ACOT7: variants seen among roughly 807,000 people sequenced by gnomAD.
ACOT7 encodes cytosolic acyl coenzyme A thioester hydrolase.
In ACOT7, 12 loss-of-function variants were observed where a neutral mutation model predicts 40.2. The ratio of observed to expected loss-of-function variants is 0.30; its 90% CI spans 0.19 to 0.48. The LOEUF is 0.48. ACOT7 is among the 20% of genes least tolerant of loss of function. The pLI, the probability that ACOT7 is intolerant of heterozygous loss-of-function variation, is 0.99. For missense variants in ACOT7, 395 were observed against 530.8 expected (o/e 0.74, Z 2.51); for synonymous variants, 228 against 219.5 (o/e 1.04, Z -0.34).
chr1:6,323,729 A>AT (rs1640712722), intron 5 of ACOT7, among the ~76,000 whole-genome samples: 2 of 94,600 alleles, frequency 2.1e-5, no homozygotes, highest in Admixed American at 1.0e-4. Context: ...AAAAAAAAAA[A>AT]AAAAAAAAAT....
Position 6,330,490 on chromosome 1 carries a change from C to T in ACOT7, c.510+2987G>A, listed in dbSNP as rs546364070. Among the ~76,000 whole-genome samples, 24 of 152,312 alleles carry T rather than the reference C, an allele frequency of 1.6e-4. No homozygotes were observed. The highest frequency in any genetic ancestry group is 4.3e-4 in the African/African-American group (18 of 41,564). ...AGAACCGTGCAGCCTCTCCCATCTG[C>T]GGCTCCGGCTGCCTCGGAGCCATGG... On this transcript the variant is annotated intron_variant, in intron 4 of 8. Coordinates refer to ENST00000361521, the MANE Select transcript of ACOT7 (RefSeq NM_007274.4). The surrounding 1 kb of genome is among the most constrained non-coding windows in gnomAD (Gnocchi z 4.6).
rs778170802 is a variant in ACOT7, at chr1:6,330,984, T to C, written c.510+2493A>G. Among the ~76,000 whole-genome samples, 2 of 152,182 alleles carry C rather than the reference T, an allele frequency of 1.3e-5. No individual in the cohort carries two copies. Among genetic ancestry groups the C allele is most frequent in the Non-Finnish European group, 2.9e-5 (2 of 68,042 alleles). On this transcript the variant is annotated intron_variant, in intron 4 of 8. Transcript: ENST00000361521. The surrounding 1 kb of genome is among the most constrained non-coding windows in gnomAD (Gnocchi z 4.6). ...TGTGGCTCACTGAACGCCAAGGGCT[T>C]AGAGAAAAGAATGAACGTGGGGTGG...
At chr1:6,385,318 C>CTGAGGGTGGCCACT (rs6143103) in intron 1 of ACOT7, among the ~76,000 whole-genome samples, 12,389 of 151,796 alleles carry the variant, frequency 0.082, 973 homozygotes, top group African/African-American at 0.19. Flanking sequence ...CAGGTCTCCA[C>CTGAGGGTGGCCACT]TGAGGGTGGC....
intron 2 of ACOT7, among the ~76,000 whole-genome samples, chr1:6,348,145 C>T (rs956243041): frequency 1.3e-5 from 2 of 152,054 alleles, no homozygotes; most frequent in Admixed American, 1.3e-4. Flanking sequence ...GACTGAGCTG[C>T]ACCGGAGCCT....
intron 1 of ACOT7, among the ~76,000 whole-genome samples, chr1:6,389,496 C>A (rs1460025934): frequency 4.6e-5 from 7 of 152,158 alleles, no homozygotes; most frequent in Middle Eastern, 3.4e-3. Flanking sequence ...CTACATATTG[C>A]ACTCCCCAAA....
Position 6,385,488 on chromosome 1 carries a change from T to C in ACOT7, c.143+7769A>G, listed in dbSNP as rs767285472. The C allele has an allele frequency of 2.1e-5, 33 of 1,606,382 alleles. 1 individual carries two copies. Among genetic ancestry groups the C allele is most frequent in the Non-Finnish European group, 2.6e-5 (31 of 1,175,596 alleles). On this transcript the variant is annotated intron_variant, in intron 1 of 8. Coordinates refer to ENST00000361521, the MANE Select transcript of ACOT7 (RefSeq NM_007274.4). Reference sequence around the variant, plus strand: ...CATGGGCACAAAATATTCCCAGTCATCCTACCTTCCAGTAATGCAGGCTCC... The same window carrying C: ...CATGGGCACAAAATATTCCCAGTCACCCTACCTTCCAGTAATGCAGGCTCC...
chr1:6,389,213 AC>A (rs1642493216), intron 1 of ACOT7, among the ~76,000 whole-genome samples: 1 of 152,226 alleles, frequency 6.6e-6, no homozygotes, highest in Non-Finnish European at 1.5e-5. Context: ...ACATGGTACA[AC>A]ACAATTCCTG....
chr1:6,359,158 G>T lies in ACOT7; in HGVS notation c.144-9292C>A. 3.6e-6 allele frequency: 1 copy of T among 274,374 alleles called. No individual in the cohort carries two copies. Among genetic ancestry groups the T allele is most frequent in the Non-Finnish European group, 7.0e-6 (1 of 142,596 alleles). 17.0% of individuals were successfully genotyped at this position (274,374 alleles called of 1,614,324 possible). Reference sequence around the variant, plus strand: ...GAAGGCAGAGGGGCCGCTGCTGAGCGGCCTCAGGGAAGCGGCTATGAGGCT... The same window carrying T: ...GAAGGCAGAGGGGCCGCTGCTGAGCTGCCTCAGGGAAGCGGCTATGAGGCT... On this transcript the variant is annotated intron_variant, in intron 1 of 8. Transcript: ENST00000361521. The surrounding 1 kb of genome is among the most constrained non-coding windows in gnomAD (Gnocchi z 4.1).
In ACOT7 at chr1:6,282,563, C is replaced by T. The variant is rs1639386209; in HGVS notation, c.830-1277G>A. 6.6e-6 allele frequency among the ~76,000 whole-genome samples: 1 copy of T among 152,140 alleles called. No homozygotes were observed. The highest frequency in any genetic ancestry group is 2.4e-5 in the African/African-American group (1 of 41,450). Reference sequence around the variant, plus strand: ...GCCTCTGGAACCCCCAGTGTCCTAGCTGCACCGAGACCAGCCTCACAAGGC... The same window carrying T: ...GCCTCTGGAACCCCCAGTGTCCTAGTTGCACCGAGACCAGCCTCACAAGGC... On this transcript the variant is annotated intron_variant, in intron 7 of 8. Coordinates refer to ENST00000361521, the MANE Select transcript of ACOT7 (RefSeq NM_007274.4). This position sits in a 1 kb window ranked among gnomAD's most constrained non-coding sequence, Gnocchi z 4.5.
intron 8 of ACOT7, among the ~76,000 whole-genome samples, chr1:6,280,497 T>G (rs67984858): frequency 6.6e-6 from 1 of 152,114 alleles, no homozygotes; most frequent in Admixed American, 6.5e-5. Flanking sequence ...CAGCAGCCCC[T>G]GTGAACGAGT....
At chr1:6,340,617 C>T (rs1641250052) in intron 2 of ACOT7, among the ~76,000 whole-genome samples, 1 of 152,306 alleles carries the variant, frequency 6.6e-6, no homozygotes, top group African/African-American at 2.4e-5. Flanking sequence ...CTGCCTGGCT[C>T]GTTTCACAGT....
intron 8 of ACOT7, among the ~76,000 whole-genome samples, chr1:6,270,640 T>G (rs187123548): frequency 6.6e-6 from 1 of 152,238 alleles, no homozygotes; most frequent in Admixed American, 6.5e-5. Context: ...GGGCCAGGTT[T>G]GTTCACCTGG....
At chr1:6,283,401 A>G (rs1470868272) in intron 7 of ACOT7, among the ~76,000 whole-genome samples, 2 of 152,064 alleles carry the variant, frequency 1.3e-5, no homozygotes, top group African/African-American at 2.4e-5. Context: ...GCCTCAAGTG[A>G]TCCAACTGCC....
chr1:6,323,703 G>C (rs1640709806), intron 5 of ACOT7, among the ~76,000 whole-genome samples: 2 of 114,364 alleles, frequency 1.7e-5, no homozygotes, highest in African/African-American at 6.8e-5. Flanking sequence ...GGTCAACAGA[G>C]TGAGACTTGT....
At chr1:6,286,616 T>C (rs1639510891) in intron 7 of ACOT7, among the ~76,000 whole-genome samples, 1 of 152,204 alleles carries the variant, frequency 6.6e-6, no homozygotes, top group Non-Finnish European at 1.5e-5. Context: ...TTTCCTCATC[T>C]GCAAATGCTT....
intron 7 of ACOT7, among the ~76,000 whole-genome samples, chr1:6,290,244 C>T (rs950117995): frequency 5.9e-5 from 9 of 152,198 alleles, no homozygotes; most frequent in African/African-American, 2.2e-4. Flanking sequence ...GACTTCTGAC[C>T]TCCAAAATTA....
At chr1:6,310,554 C>T (rs542693565) in intron 6 of ACOT7, among the ~76,000 whole-genome samples, 8 of 152,302 alleles carry the variant, frequency 5.3e-5, no homozygotes, top group South Asian at 2.1e-4. Context: ...CATAGGGACA[C>T]GGTTGCTGGA....
intron 1 of ACOT7, among the ~76,000 whole-genome samples, chr1:6,389,328 G>T (rs927815094): frequency 6.6e-6 from 1 of 152,092 alleles, no homozygotes; most frequent in African/African-American, 2.4e-5. Flanking sequence ...AATAAAGCAT[G>T]CCAAGTTATC....
chr1:6,277,433 T>G (rs1433694956), intron 8 of ACOT7, among the ~76,000 whole-genome samples: 1 of 152,190 alleles, frequency 6.6e-6, no homozygotes, highest in Admixed American at 6.5e-5. Context: ...CCCATCAACC[T>G]GCACTGAAGC....
Sources: allele counts gnomAD v4.1 joint callset (sites outside exome capture counted in the v4.1 genomes callset), GRCh38; gene constraint gnomAD v4.1.1; non-coding constraint Gnocchi (gnomAD v3.1); transcripts MANE v1.5; gene names NCBI Gene and HGNC (gene_info 2026-07-23, HGNC 2026-07-21).